ZEB2: variants seen among roughly 807,000 people sequenced by gnomAD.
The protein encoded by ZEB2 is zinc finger E-box binding homeobox 2.
A neutral mutation model predicts 99.9 loss-of-function variants in ZEB2; 6 were observed. The observed-to-expected ratio is 0.06, with a 90% CI of 0.03 to 0.12. The LOEUF is 0.12. Ranked by LOEUF, ZEB2 falls within the 10% of genes least tolerant of loss-of-function variation. ZEB2 has a pLI of 1.00. For missense variants in ZEB2, 969 were observed against 1,502.8 expected, an observed-to-expected ratio of 0.64 and a Z score of 5.87; for synonymous variants, 517 against 542.5, an observed-to-expected ratio of 0.95 and a Z score of 0.65.
intron 2 of ZEB2, among the ~76,000 whole-genome samples, chr2:144,510,384 G>C (rs1002515931): frequency 6.9e-6 from 1 of 144,412 alleles, no homozygotes; most frequent in East Asian, 2.3e-4. Context: ...TCTCTGGTCC[G>C]CTGGTAAACA....
chr2:144,384,534 C>G lies in ZEB2; in HGVS notation c.*4917G>C, dbSNP rs957085144. The G allele has an allele frequency of 1.3e-5, 2 of 151,544 alleles. No homozygotes were observed. The highest frequency in any genetic ancestry group is 2.9e-5 in the Non-Finnish European group (2 of 67,916). 9.4% of individuals were successfully genotyped at this position (151,544 alleles called of 1,614,324 possible). A position where few individuals can be genotyped will look rare whatever the true frequency, so the allele number is the denominator to read the frequency against. On this transcript the variant is annotated 3_prime_UTR_variant, in exon 10 of 10. Transcript: ENST00000627532. Reference sequence around the variant, plus strand: ...TCCATGTTTATTTAAATATTTTGCTCTAAAGGAAGCAATCATTCCTTTATA... The same window carrying G: ...TCCATGTTTATTTAAATATTTTGCTGTAAAGGAAGCAATCATTCCTTTATA...
intron 2 of ZEB2, among the ~76,000 whole-genome samples, chr2:144,454,276 T>G (rs1006018305): frequency 6.6e-6 from 1 of 152,200 alleles, no homozygotes; most frequent in African/African-American, 2.4e-5. Context: ...TAGTAACTTT[T>G]TAAAAAACTC....
intron 2 of ZEB2, among the ~76,000 whole-genome samples, chr2:144,506,613 C>T (rs1405191211): frequency 6.6e-6 from 1 of 152,100 alleles, no homozygotes; most frequent in Non-Finnish European, 1.5e-5. Flanking sequence ...ACAATAAATA[C>T]TTTCTTAAAC....
chr2:144,424,909 A>G (rs748650471), intron 3 of ZEB2, 42 bp from the exon 4 acceptor site: 3 of 1,600,808 alleles, frequency 1.9e-6, no homozygotes, highest in Non-Finnish European at 2.6e-6. Context: ...AATTGTAGAA[A>G]GGCTTACTAT....
At chr2:144,405,599 T>C (rs1703375528) in intron 4 of ZEB2, among the ~76,000 whole-genome samples, 1 of 151,322 alleles carries the variant, frequency 6.6e-6, no homozygotes, top group South Asian at 2.1e-4. Context: ...CAGATAATAA[T>C]GCAACTTTGT....
chr2:144,405,214 G>A, intron 4 of ZEB2, 190 bp from the exon 5 acceptor site: 1 of 635,616 alleles, frequency 1.6e-6, no homozygotes, highest in South Asian at 2.0e-5. Flanking sequence ...CAAGAAGGCG[G>A]GCACTTTCCT....
intron 8 of ZEB2, chr2:144,397,977 T>G: frequency 2.8e-6 from 1 of 361,968 alleles, no homozygotes. Flanking sequence ...GGTTATAAAC[T>G]TTAACTTCTA....
At chr2:144,517,091 C>T (rs1705163238) in intron 2 of ZEB2, among the ~76,000 whole-genome samples, 187 bp downstream of exon 2, 2 of 150,288 alleles carry the variant, frequency 1.3e-5, no homozygotes, top group African/African-American at 4.9e-5. Flanking sequence ...CCGGCACTTC[C>T]CCAACACCCC....
chr2:144,431,799 G>A (rs1230047523), intron 2 of ZEB2, among the ~76,000 whole-genome samples: 1 of 137,318 alleles, frequency 7.3e-6, no homozygotes, highest in East Asian at 2.5e-4. Context: ...ACAAGCAGAA[G>A]ATTCTTTACA....
chr2:144,485,976 C>G (rs147831405), intron 2 of ZEB2, among the ~76,000 whole-genome samples: 4 of 152,236 alleles, frequency 2.6e-5, no homozygotes, highest in African/African-American at 9.6e-5. Flanking sequence ...GATTTTAAAC[C>G]CTCTCCTTGG....
chr2:144,396,713 CA>C (rs1703234824), intron 8 of ZEB2, 121 bp from the exon 9 acceptor site: 1 of 1,051,926 alleles, frequency 9.5e-7, no homozygotes, highest in Non-Finnish European at 1.4e-6. Context: ...TTGAGTTAAA[CA>C]TTTTTTTTTC....
intron 2 of ZEB2, among the ~76,000 whole-genome samples, chr2:144,486,621 CA>C (rs1433710206): frequency 6.6e-6 from 1 of 151,946 alleles, no homozygotes; most frequent in African/African-American, 2.4e-5. Flanking sequence ...ACAACTGAAA[CA>C]GAGACAATTC....
intron 2 of ZEB2, among the ~76,000 whole-genome samples, chr2:144,472,318 G>A (rs775125967): frequency 4.0e-5 from 6 of 151,770 alleles, no homozygotes; most frequent in Admixed American, 2.0e-4. Context: ...AGGTATCTTC[G>A]ATTAACTTTG....
At chr2:144,472,803 G>C (rs750207390) in intron 2 of ZEB2, among the ~76,000 whole-genome samples, 1 of 151,068 alleles carries the variant, frequency 6.6e-6, no homozygotes, top group East Asian at 2.0e-4. Flanking sequence ...GTGTGAGAAC[G>C]ATAAAAAAAG....
intron 2 of ZEB2, among the ~76,000 whole-genome samples, chr2:144,475,083 A>G (rs935249834): frequency 4.6e-5 from 7 of 152,198 alleles, no homozygotes; most frequent in African/African-American, 1.7e-4. Flanking sequence ...AGCATTTAAT[A>G]ACAACCCAGT....
At chr2:144,515,797 TAG>T (rs10639317) in intron 2 of ZEB2, among the ~76,000 whole-genome samples, 3,950 of 146,726 alleles carry the variant, frequency 0.027, 71 homozygotes, top group South Asian at 0.049. Context: ...ACACAAAACC[TAG>T]AGAGAGAGAG....
At chr2:144,451,788 T>C (rs189604310) in intron 2 of ZEB2, among the ~76,000 whole-genome samples, 63 of 152,358 alleles carry the variant, frequency 4.1e-4, no homozygotes, top group African/African-American at 1.4e-3. Flanking sequence ...TGTTGTCTTT[T>C]TGCAGAAACT....
In ZEB2 at chr2:144,441,636, T is replaced by C. The variant is rs549923290; in HGVS notation, c.74-11610A>G. On this transcript the variant is annotated intron_variant, in intron 2 of 9. Coordinates refer to ENST00000627532, the MANE Select transcript of ZEB2 (RefSeq NM_014795.4). ...AGACCACTCTTTTACTGTAAACAAATGTACTTACAATTTTTTTACTCCCTA... is the reference window on the plus strand; with the variant it reads ...AGACCACTCTTTTACTGTAAACAAACGTACTTACAATTTTTTTACTCCCTA... 1.5e-3 allele frequency among the ~76,000 whole-genome samples: 228 copies of C among 152,000 alleles called. 1 individual carries two copies. The highest frequency in any genetic ancestry group is 3.4e-3 in the Middle Eastern group (1 of 294).
At chr2:144,445,330 C>T (rs1703968744) in intron 2 of ZEB2, among the ~76,000 whole-genome samples, 1 of 135,950 alleles carries the variant, frequency 7.4e-6, no homozygotes, top group Non-Finnish European at 1.5e-5. Flanking sequence ...GCTTAGGTAC[C>T]TGGGGTATGG....
Sources: allele counts gnomAD v4.1 joint callset (sites outside exome capture counted in the v4.1 genomes callset), GRCh38; gene constraint gnomAD v4.1.1; transcripts MANE v1.5; gene names NCBI Gene and HGNC (gene_info 2026-07-23, HGNC 2026-07-21).